Variants in PCDH10 observed in about 807,000 individuals in gnomAD.
PCDH10 encodes protocadherin 10, also known as protocadherin-10.
PCDH10 carries 15 observed loss-of-function variants against 74.4 expected under a neutral mutation model. The ratio of observed to expected loss-of-function variants is 0.20; its 90% CI spans 0.13 to 0.31. The LOEUF (loss-of-function observed/expected upper bound fraction) is 0.31, where lower values mean the gene tolerates loss of function less well. Ranked by LOEUF, PCDH10 falls within the 10% of genes least tolerant of loss-of-function variation. The pLI is 1.00. For missense variants in PCDH10, 1,260 were observed against 1,390.2 expected, an observed-to-expected ratio of 0.91 and a Z score of 1.49; for synonymous variants, 619 against 589.8, an observed-to-expected ratio of 1.05 and a Z score of -0.72.
chr4:133,198,332 G>A (rs999206483), downstream of PCDH10, among the ~76,000 whole-genome samples: 8 of 152,110 alleles, frequency 5.3e-5, no homozygotes, highest in African/African-American at 1.9e-4. Flanking sequence ...AGATGTGTGT[G>A]AGAGTTATAT....
intron 4 of PCDH10, among the ~76,000 whole-genome samples, chr4:133,184,789 T>A (rs1361504625): frequency 7.2e-6 from 1 of 138,856 alleles, no homozygotes; most frequent in Non-Finnish European, 1.5e-5. Flanking sequence ...TATATAAATA[T>A]ATATATTTAT....
chr4:133,204,752 C>T (rs1727968498), intron 2 of PCDH10, among the ~76,000 whole-genome samples: 1 of 152,144 alleles, frequency 6.6e-6, no homozygotes, highest in South Asian at 2.1e-4. Context: ...GCCTCCTATT[C>T]ACTCTATTGG....
At chr4:133,154,808 A>G in intron 2 of PCDH10, 109 bp from the exon 3 acceptor site, 2 of 733,272 alleles carry the variant, frequency 2.7e-6, no homozygotes, top group Non-Finnish European at 4.7e-6. Context: ...AAAGCCAACT[A>G]AGAGGTCTGT....
chr4:133,199,781 TTATTAC>T (rs1484109679), intron 2 of PCDH10, among the ~76,000 whole-genome samples: 10 of 124,220 alleles, frequency 8.1e-5, no homozygotes, highest in African/African-American at 2.6e-4. Flanking sequence ...ATTATTATTA[TTATTAC>T]TATTATTATT....
chr4:133,199,222 C>T (rs1047787984), downstream of PCDH10, among the ~76,000 whole-genome samples: 1 of 150,684 alleles, frequency 6.6e-6, no homozygotes, highest in African/African-American at 2.4e-5. Flanking sequence ...GGAGAGGTGG[C>T]GGTTGCAGTG....
At chr4:133,202,653 G>A (rs536791271) in intron 2 of PCDH10, among the ~76,000 whole-genome samples, 2 of 152,238 alleles carry the variant, frequency 1.3e-5, no homozygotes, top group East Asian at 1.9e-4. Context: ...TCATGAAAAT[G>A]TACAGAAGAA....
chr4:133,191,825 TA>T lies in PCDH10; in HGVS notation c.*1666del, dbSNP rs1727677178. ...ACTTTCCTTAATTTTTAACTGATCT[TA>T]TATTCAATGACAGTTTGAGCTGCAC... On this transcript the variant is annotated 3_prime_UTR_variant, in exon 5 of 5. Coordinates refer to ENST00000264360, the MANE Select transcript of PCDH10 (RefSeq NM_032961.3). 1 of 151,732 alleles carries T rather than the reference TA, an allele frequency of 6.6e-6. No individual in the cohort carries two copies. The highest frequency in any genetic ancestry group is 1.5e-5 in the Non-Finnish European group (1 of 67,736). The allele number at this position is 151,732 out of a possible 1,614,324, so 9.4% of individuals were successfully genotyped here. A position where few individuals can be genotyped will look rare whatever the true frequency, so the allele number is the denominator to read the frequency against.
chr4:133,197,850 A>G (rs900266586), downstream of PCDH10, among the ~76,000 whole-genome samples: 1 of 152,098 alleles, frequency 6.6e-6, no homozygotes, highest in African/African-American at 2.4e-5. Context: ...GTGTAAGCCC[A>G]CAACTCTAAA....
intron 2 of PCDH10, among the ~76,000 whole-genome samples, chr4:133,201,856 C>CAAAAAAAA (rs11400760): frequency 5.5e-5 from 4 of 72,358 alleles, no homozygotes; most frequent in African/African-American, 1.6e-4. Flanking sequence ...AACTCCATCT[C>CAAAAAAAA]AAAAAAAAAA....
intron 4 of PCDH10, among the ~76,000 whole-genome samples, chr4:133,186,750 C>T (rs914445012): frequency 1.3e-5 from 2 of 152,098 alleles, no homozygotes; most frequent in Non-Finnish European, 2.9e-5. Context: ...CAGAGCCTTG[C>T]TCTGTCTCCT....
At chr4:133,184,677 T>G (rs1051303671) in intron 4 of PCDH10, among the ~76,000 whole-genome samples, 1 of 146,146 alleles carries the variant, frequency 6.8e-6, no homozygotes, top group Non-Finnish European at 1.5e-5. Context: ...TATTTATATT[T>G]ATTTACATAT....
chr4:133,180,130 C>G (rs1251682290), intron 4 of PCDH10, among the ~76,000 whole-genome samples: 2 of 152,042 alleles, frequency 1.3e-5, no homozygotes, highest in African/African-American at 4.8e-5. Context: ...TCTTTCACAA[C>G]TCCTTTAAGC....
At chr4:133,167,099 T>G (rs1231111484) in intron 4 of PCDH10, among the ~76,000 whole-genome samples, 3 of 151,462 alleles carry the variant, frequency 2.0e-5, no homozygotes, top group African/African-American at 7.2e-5. Flanking sequence ...TTGTTAATCT[T>G]ATTGAAATTT....
At chr4:133,162,527 T>C (rs1383260831) in intron 3 of PCDH10, among the ~76,000 whole-genome samples, 10 of 152,192 alleles carry the variant, frequency 6.6e-5, no homozygotes. Flanking sequence ...ATATTTCTTA[T>C]GTTATTTGTT....
intron 3 of PCDH10, among the ~76,000 whole-genome samples, chr4:133,155,855 T>G (rs2125860589): frequency 6.6e-6 from 1 of 152,328 alleles, no homozygotes; most frequent in South Asian, 2.1e-4. Context: ...TATGTTAAAA[T>G]GAAAATGATT....
intron 3 of PCDH10, among the ~76,000 whole-genome samples, chr4:133,159,821 T>A (rs1206491088): frequency 6.6e-6 from 1 of 151,978 alleles, no homozygotes; most frequent in African/African-American, 2.4e-5. Flanking sequence ...TATTAAAAAA[T>A]TGTAAGAGCA....
chr4:133,176,330 A>G (rs947411794), intron 4 of PCDH10, among the ~76,000 whole-genome samples: 1 of 152,074 alleles, frequency 6.6e-6, no homozygotes, highest in African/African-American at 2.4e-5. Context: ...TAACCTTCCT[A>G]TAATTCCTTT....
At chr4:133,155,799 CTT>C (rs952367563) in intron 3 of PCDH10, among the ~76,000 whole-genome samples, 8 of 152,190 alleles carry the variant, frequency 5.3e-5, no homozygotes, top group African/African-American at 1.9e-4. Context: ...CCTGGTAACT[CTT>C]ATTACTAATA....
intron 4 of PCDH10, among the ~76,000 whole-genome samples, chr4:133,167,033 C>G (rs890299662): frequency 6.6e-6 from 1 of 151,286 alleles, no homozygotes; most frequent in Admixed American, 6.6e-5. Context: ...TAGACTAGTC[C>G]AAGTATACTA....
Sources: gnomAD v4.1 joint callset for allele counts (sites outside exome capture counted in the v4.1 genomes callset) on GRCh38, gnomAD v4.1.1 for gene constraint, MANE v1.5 for transcripts, NCBI Gene and HGNC (gene_info 2026-07-23, HGNC 2026-07-21) for gene names.